The following ZC3H12B variants were observed in gnomAD, a reference collection of about 807,000 sequenced individuals.
ZC3H12B encodes zinc finger CCCH-type containing 12B, also known as probable ribonuclease ZC3H12B.
ZC3H12B carries 7 observed loss-of-function variants against 43.9 expected under a neutral mutation model. The observed-to-expected ratio is 0.16, with a 90% CI of 0.09 to 0.30. ZC3H12B has a LOEUF of 0.30. Among genes scored for constraint, ZC3H12B ranks in the 10% least tolerant of loss-of-function variants. ZC3H12B has a pLI of 1.00. For missense variants in ZC3H12B, 475 were observed against 670.2 expected (o/e 0.71, Z 3.22); for synonymous variants, 222 against 241.7 (o/e 0.92, Z 0.76).
chrX:65,153,814 A>T, the ZC3H12B span, among the ~76,000 whole-genome samples: 4 of 111,179 alleles, frequency 3.6e-5, no homozygotes, highest in East Asian at 1.1e-3. Flanking sequence ...ACAATAGCAA[A>T]GACTTGGAAC....
At chrX:65,430,124 C>G (rs764591575) in intron 3 of ZC3H12B, among the ~76,000 whole-genome samples, 1 of 112,288 alleles carries the variant, frequency 8.9e-6, no homozygotes, top group East Asian at 2.8e-4. Flanking sequence ...GCCTGTGTTG[C>G]ACACACATTT....
the ZC3H12B span, among the ~76,000 whole-genome samples, chrX:65,319,349 C>T: frequency 3.5e-4 from 39 of 111,639 alleles, no homozygotes; most frequent in Admixed American, 3.7e-3. Flanking sequence ...TTTCTGGAAA[C>T]ATACAACCTC....
At chrX:65,428,199 CT>C (rs2067107895) in intron 3 of ZC3H12B, among the ~76,000 whole-genome samples, 1 of 111,765 alleles carries the variant, frequency 8.9e-6, no homozygotes, top group Non-Finnish European at 1.9e-5. Flanking sequence ...AACAGTTTTC[CT>C]TTCATTTCAA....
At chrX:65,477,393 ACAC>A (rs2068008108) in intron 3 of ZC3H12B, among the ~76,000 whole-genome samples, 1 of 111,317 alleles carries the variant, frequency 9.0e-6, no homozygotes, top group Admixed American at 9.6e-5. Flanking sequence ...ACACACACAC[ACAC>A]AACAGGAGTT....
chrX:65,172,486 G>A, the ZC3H12B span, among the ~76,000 whole-genome samples: 18 of 112,173 alleles, frequency 1.6e-4, no homozygotes, highest in Non-Finnish European at 2.6e-4. Flanking sequence ...TGGTGTTTTT[G>A]TCATGAAGAC....
chrX:65,231,083 G>C, the ZC3H12B span, among the ~76,000 whole-genome samples: 1 of 111,506 alleles, frequency 9.0e-6, no homozygotes, highest in African/African-American at 3.3e-5. Flanking sequence ...TAAAAAGAAA[G>C]AGTACAAAGA....
chrX:65,177,009 C>G, the ZC3H12B span, among the ~76,000 whole-genome samples: 1 of 112,269 alleles, frequency 8.9e-6, no homozygotes, highest in Non-Finnish European at 1.9e-5. Context: ...CCTTGATCAA[C>G]ATTGTTGTGA....
rs775239255 is a variant in ZC3H12B at position 65,452,799 on chromosome X, C to T, written n.408-35847C>T. Among the ~76,000 whole-genome samples the T allele has an allele frequency of 8.4e-5, 9 of 107,538 alleles. No homozygotes were observed. In the South Asian group the frequency reaches 3.4e-3, roughly 40 times the overall value. The allele number at this position is 107,538 out of a possible 115,157, so 93.4% of individuals were successfully genotyped here. A position where few individuals can be genotyped will look rare whatever the true frequency, so the allele number is the denominator to read the frequency against. ...GAGGTTACAGCAAGCCAAGATAGTGCCATTGCATTCCAGCCTGGGCAACAG... is the reference window on the plus strand; with the variant it reads ...GAGGTTACAGCAAGCCAAGATAGTGTCATTGCATTCCAGCCTGGGCAACAG... On this transcript the variant is annotated intron_variant and non_coding_transcript_variant, in intron 3 of 5. Coordinates refer to the ZC3H12B transcript ENST00000617377.
At chrX:65,288,188 A>T in the ZC3H12B span, among the ~76,000 whole-genome samples, 1 of 110,891 alleles carries the variant, frequency 9.0e-6, no homozygotes, top group South Asian at 3.7e-4. Flanking sequence ...AACAAAGAAA[A>T]GCCAAGTACC....
chrX:65,227,262 C>G, the ZC3H12B span, among the ~76,000 whole-genome samples: 2 of 111,601 alleles, frequency 1.8e-5, no homozygotes, highest in Non-Finnish European at 3.8e-5. Context: ...GGAAACTGAA[C>G]AACCTGCTCC....
chrX:65,347,155 G>A, the ZC3H12B span, among the ~76,000 whole-genome samples: 1 of 111,739 alleles, frequency 8.9e-6, no homozygotes, highest in African/African-American at 3.3e-5. Flanking sequence ...TGATACCCAC[G>A]CAAACAGGGT....
the ZC3H12B span, among the ~76,000 whole-genome samples, chrX:65,118,816 C>G: frequency 1.2e-5 from 1 of 80,481 alleles, no homozygotes; most frequent in Non-Finnish European, 2.3e-5. Flanking sequence ...CACCCCACAA[C>G]AGGCCCCGGT....
the ZC3H12B span, among the ~76,000 whole-genome samples, chrX:65,282,118 T>A: frequency 5.4e-5 from 6 of 111,234 alleles, no homozygotes; most frequent in African/African-American, 2.0e-4. Flanking sequence ...AGGCTATATA[T>A]GAAAAGCCCA....
At chrX:65,158,747 C>A in the ZC3H12B span, among the ~76,000 whole-genome samples, 3 of 111,645 alleles carry the variant, frequency 2.7e-5, no homozygotes, top group South Asian at 3.7e-4. Context: ...ATGGTAGTTT[C>A]TTTTGCTGTG....
At chrX:65,420,612 A>G (rs914826864) in intron 3 of ZC3H12B, among the ~76,000 whole-genome samples, 1 of 112,275 alleles carries the variant, frequency 8.9e-6, no homozygotes, top group Non-Finnish European at 1.9e-5. Flanking sequence ...CCAGCAATCA[A>G]CCCTAAAGAA....
intron 3 of ZC3H12B, among the ~76,000 whole-genome samples, chrX:65,467,958 T>C (rs2067848212): frequency 8.9e-6 from 1 of 112,578 alleles, no homozygotes; most frequent in East Asian, 2.8e-4. Context: ...GCTTTTTAGT[T>C]TAATTAGGTC....
At chrX:65,082,536 A>C in the ZC3H12B span, among the ~76,000 whole-genome samples, 1 of 111,471 alleles carries the variant, frequency 9.0e-6, no homozygotes, top group Non-Finnish European at 1.9e-5. Flanking sequence ...TTTCCTAGAC[A>C]CATACAACTT....
At chrX:65,250,740 G>T in the ZC3H12B span, among the ~76,000 whole-genome samples, 1 of 111,850 alleles carries the variant, frequency 8.9e-6, no homozygotes, top group African/African-American at 3.3e-5. Context: ...GTCTTCTTTT[G>T]AGAAGTGTCT....
At chrX:65,372,223 A>G (rs1408339254) in intron 2 of ZC3H12B, among the ~76,000 whole-genome samples, 1 of 112,113 alleles carries the variant, frequency 8.9e-6, no homozygotes, top group Non-Finnish European at 1.9e-5. Context: ...ATCCAGCAAA[A>G]GTATTTTAGA....
Sources: gnomAD v4.1 joint callset for allele counts (sites outside exome capture counted in the v4.1 genomes callset) on GRCh38, gnomAD v4.1.1 for gene constraint, MANE v1.5 for transcripts, NCBI Gene and HGNC (gene_info 2026-07-23, HGNC 2026-07-21) for gene names.